GRIA4: variants seen among roughly 807,000 people sequenced by gnomAD.
GRIA4 encodes glutamate receptor 4.
In GRIA4, 34 loss-of-function variants were observed where a neutral mutation model predicts 104.0. The observed-to-expected ratio is 0.33, with a 90% CI of 0.25 to 0.44. The LOEUF (loss-of-function observed/expected upper bound fraction) is 0.44. Ranked by LOEUF, GRIA4 falls within the 20% of genes least tolerant of loss-of-function variation. The pLI is 1.00. For missense variants in GRIA4, 750 were observed against 1,096.5 expected, an observed-to-expected ratio of 0.68 and a Z score of 4.46; for synonymous variants, 386 against 381.9, an observed-to-expected ratio of 1.01 and a Z score of -0.13.
At chr11:105,779,529 C>A (rs550264125) in intron 4 of GRIA4, among the ~76,000 whole-genome samples, 1 of 152,050 alleles carries the variant, frequency 6.6e-6, no homozygotes, top group South Asian at 2.1e-4. Context: ...TTTGTTCTTG[C>A]GATAGTTTAC....
intron 4 of GRIA4, among the ~76,000 whole-genome samples, chr11:105,812,804 TAAAAG>T (rs545140252): frequency 7.0e-4 from 107 of 152,156 alleles, no homozygotes; most frequent in African/African-American, 2.5e-3. Flanking sequence ...GATTCTTACT[TAAAAG>T]AAAGAAATTG....
chr11:105,619,675 A>C (rs1280049902), intron 3 of GRIA4, among the ~76,000 whole-genome samples: 1 of 151,980 alleles, frequency 6.6e-6, no homozygotes, highest in Non-Finnish European at 1.5e-5. Flanking sequence ...TCCTAATTTT[A>C]TGCAAAATTG....
At chr11:105,800,905 G>C (rs1024859001) in intron 4 of GRIA4, among the ~76,000 whole-genome samples, 1 of 151,828 alleles carries the variant, frequency 6.6e-6, no homozygotes, top group Non-Finnish European at 1.5e-5. Context: ...TAAAATATAG[G>C]ATAGGTGCTT....
intron 3 of GRIA4, among the ~76,000 whole-genome samples, chr11:105,728,329 C>G (rs1938355111): frequency 6.6e-6 from 1 of 152,178 alleles, no homozygotes; most frequent in Admixed American, 6.5e-5. Flanking sequence ...GCTAATTATT[C>G]TAAATATATA....
intron 7 of GRIA4, among the ~76,000 whole-genome samples, chr11:105,899,408 T>C (rs584783): frequency 1.4e-3 from 209 of 152,340 alleles, no homozygotes; most frequent in African/African-American, 4.7e-3. Flanking sequence ...TTGGCTGTCC[T>C]TGAGTCAGGG....
intron 3 of GRIA4, among the ~76,000 whole-genome samples, chr11:105,651,057 C>T (rs1951672836): frequency 6.6e-6 from 1 of 152,068 alleles, no homozygotes; most frequent in Admixed American, 6.6e-5. Flanking sequence ...AATGAAATTT[C>T]AGGGAGATCA....
rs1215934813 is a variant in GRIA4, at chr11:105,862,200, T to C, written c.664T>C (p.Leu222=). The part of the protein sequence containing the change: ...DCEIERLQNI[L]EQIVSVGKHV... The stretch of plus-strand genomic sequence containing the variant: ...TGAGATAGAGAGACTTCAAAACATA[T>C]TAGAACAGGTAAGTCCTAGATTTTA... Residue 222 remains leucine, a synonymous_variant, in exon 5 of 17, where the codon TTA becomes CTA. Coordinates refer to ENST00000282499, the MANE Select transcript of GRIA4 (RefSeq NM_000829.4). 2 of 1,560,916 alleles carry C rather than the reference T, an allele frequency of 1.3e-6. No individual in the cohort carries two copies. Among genetic ancestry groups the C allele is most frequent in the Non-Finnish European group, 8.8e-7 (1 of 1,132,112 alleles).
Position 105,703,703 on chromosome 11 carries a change from A to G in GRIA4, c.248-49278A>G, listed in dbSNP as rs138800591. On this transcript the variant is annotated intron_variant, in intron 3 of 16. Coordinates refer to ENST00000282499, the MANE Select transcript of GRIA4 (RefSeq NM_000829.4). ...AAATGACTTTTTGATACACTTTTAC[A>G]TAGAAAAGAGTTAAGACTATGATTT... is the stretch of plus-strand genomic sequence containing the variant. 5.1e-3 allele frequency among the ~76,000 whole-genome samples: 769 copies of G among 152,264 alleles called. 16 individuals are homozygous for G. Among genetic ancestry groups the G allele is most frequent in the African/African-American group, 0.017 (717 of 41,584 alleles).
intron 3 of GRIA4, among the ~76,000 whole-genome samples, chr11:105,656,262 C>G (rs887519260): frequency 6.6e-6 from 1 of 152,018 alleles, no homozygotes; most frequent in African/African-American, 2.4e-5. Context: ...ACAAAATGAG[C>G]AATGGGGAAA....
At chr11:105,912,752 T>G in intron 10 of GRIA4, 2 of 973,536 alleles carry the variant, frequency 2.1e-6, no homozygotes, top group Non-Finnish European at 2.4e-6. Flanking sequence ...CTGAAAGTGT[T>G]CCTTCAATTT....
At position 105,940,299 on chromosome 11, in the gene GRIA4, T is replaced by C. The variant is rs1433772115; in HGVS notation, c.2294+6330T>C. ...ATCACTTGAATCCAGGAGGTGGAGGTTGCAGTGAGCCAAGATTGCACCACT... is the reference window on the plus strand; with the variant it reads ...ATCACTTGAATCCAGGAGGTGGAGGCTGCAGTGAGCCAAGATTGCACCACT... On this transcript the variant is annotated intron_variant, in intron 14 of 16. Coordinates refer to ENST00000282499, the MANE Select transcript of GRIA4 (RefSeq NM_000829.4). Among the ~76,000 whole-genome samples, 10 of 151,946 alleles carry C rather than the reference T, an allele frequency of 6.6e-5. No homozygotes were observed. In the East Asian group the frequency reaches 1.9e-3, roughly 30 times the overall value.
rs569918024 is a variant in GRIA4, at chr11:105,782,083, C to A, written c.487+28863C>A. On this transcript the variant is annotated intron_variant, in intron 4 of 16. Transcript: ENST00000282499. Reference sequence around the variant, plus strand: ...GAGACCTGTACAATCAGCTCAGGGGCGACACATTTGGCCCAAGTCTGAGTT... The same window carrying A: ...GAGACCTGTACAATCAGCTCAGGGGAGACACATTTGGCCCAAGTCTGAGTT... Among the ~76,000 whole-genome samples the A allele has an allele frequency of 4.6e-5, 7 of 152,198 alleles. No individual in the cohort carries two copies. The East Asian group carries it at 1.4e-3, about 29-fold the overall frequency.
chr11:105,791,608 A>G (rs1942216745), intron 4 of GRIA4, among the ~76,000 whole-genome samples: 1 of 152,164 alleles, frequency 6.6e-6, no homozygotes, highest in South Asian at 2.1e-4. Flanking sequence ...AGTCTTCTCA[A>G]CTACATAGAA....
intron 4 of GRIA4, among the ~76,000 whole-genome samples, chr11:105,777,485 T>A (rs1941500935): frequency 6.6e-6 from 1 of 152,226 alleles, no homozygotes. Context: ...TATATTCTTA[T>A]ATTTTATTTA....
At chr11:105,968,159 AAACT>A (rs1483326129) in intron 14 of GRIA4, among the ~76,000 whole-genome samples, 3 of 152,302 alleles carry the variant, frequency 2.0e-5, no homozygotes, top group Middle Eastern at 3.4e-3. Flanking sequence ...TGGTAGGAGA[AAACT>A]AACTATCCCA....
At chr11:105,698,514 T>A (rs1050134129) in intron 3 of GRIA4, among the ~76,000 whole-genome samples, 4 of 152,316 alleles carry the variant, frequency 2.6e-5, no homozygotes, top group African/African-American at 9.6e-5. Flanking sequence ...GAGTTGAATC[T>A]GTTTCCCTGG....
chr11:105,867,508 G>C (rs1051738995), intron 5 of GRIA4, among the ~76,000 whole-genome samples: 3 of 152,110 alleles, frequency 2.0e-5, no homozygotes, highest in African/African-American at 7.2e-5. Context: ...CTAGAACTCT[G>C]TCAGTTCCCC....
At chr11:105,726,211 G>A (rs1276052231) in intron 3 of GRIA4, among the ~76,000 whole-genome samples, 3 of 152,022 alleles carry the variant, frequency 2.0e-5, no homozygotes, top group African/African-American at 4.8e-5. Flanking sequence ...TGGGGAGAGG[G>A]GCGTCCACTA....
chr11:105,842,851 G>T (rs1022207906), intron 4 of GRIA4: 5 of 152,182 alleles, frequency 3.3e-5, no homozygotes, highest in African/African-American at 1.2e-4. Context: ...AATTCTTACT[G>T]CATATCTGTT....
Sources: gnomAD v4.1 joint callset for allele counts (sites outside exome capture counted in the v4.1 genomes callset) on GRCh38, gnomAD v4.1.1 for gene constraint, MANE v1.5 for transcripts, NCBI Gene and HGNC (gene_info 2026-07-23, HGNC 2026-07-21) for gene names.